The following HDX variants were observed in gnomAD, a reference collection of about 807,000 sequenced individuals.
The protein encoded by HDX is highly divergent homeobox.
A neutral mutation model predicts 45.2 loss-of-function variants in HDX; 19 were observed. That is an observed-to-expected ratio of 0.42 (90% CI 0.29 to 0.62). The LOEUF is 0.62. Among genes scored for constraint, HDX ranks in the 20% least tolerant of loss-of-function variants. HDX has a pLI of 0.20. For missense variants in HDX, 532 were observed against 493.9 expected, an observed-to-expected ratio of 1.08 and a Z score of -0.73; for synonymous variants, 188 against 172.8, an observed-to-expected ratio of 1.09 and a Z score of -0.69.
chrX:84,454,423 T>C, intron 4 of HDX, among the ~76,000 whole-genome samples: 1 of 111,508 alleles, frequency 9.0e-6, no homozygotes. Context: ...GAGTGAACAC[T>C]GGTAGTAGCC....
chrX:84,472,445 C>T (rs1447135300), intron 3 of HDX, among the ~76,000 whole-genome samples: 3 of 111,250 alleles, frequency 2.7e-5, no homozygotes, highest in African/African-American at 9.8e-5. Flanking sequence ...TTAAAACCCA[C>T]TTTCTCTAAT....
At chrX:84,364,274 CCAAA>C (rs1362683742) in intron 5 of HDX, among the ~76,000 whole-genome samples, 1 of 109,817 alleles carries the variant, frequency 9.1e-6, no homozygotes, top group Non-Finnish European at 1.9e-5. Flanking sequence ...TGAATTAGTG[CCAAA>C]CAATTGGCAT....
chrX:84,416,214 G>C (rs1227806274), intron 5 of HDX, among the ~76,000 whole-genome samples: 1 of 111,085 alleles, frequency 9.0e-6, no homozygotes, highest in African/African-American at 3.3e-5. Flanking sequence ...CAAGGCCCAA[G>C]TTTTCTACTA....
intron 5 of HDX, among the ~76,000 whole-genome samples, chrX:84,439,653 G>A (rs2039718395): frequency 9.0e-6 from 1 of 111,144 alleles, no homozygotes; most frequent in African/African-American, 3.3e-5. Flanking sequence ...TATCGAACAA[G>A]GAGTCCTTTC....
At chrX:84,463,660 G>A (rs2040285858) in intron 4 of HDX, among the ~76,000 whole-genome samples, 1 of 110,732 alleles carries the variant, frequency 9.0e-6, no homozygotes, top group Non-Finnish European at 1.9e-5. Context: ...TCACAAAGAT[G>A]ATCATTAATA....
intron 5 of HDX, among the ~76,000 whole-genome samples, chrX:84,393,312 T>C (rs1356762487): frequency 9.0e-6 from 1 of 111,482 alleles, no homozygotes; most frequent in Non-Finnish European, 1.9e-5. Flanking sequence ...TGATGTGGTG[T>C]GTTAACATCA....
chrX:84,440,668 C>G (rs2039741437), intron 4 of HDX, 83 bp from the exon 5 acceptor site: 1 of 571,399 alleles, frequency 1.8e-6, no homozygotes, highest in Non-Finnish European at 2.9e-6. Flanking sequence ...ATTTCACACA[C>G]TATTTCAAGA....
At chrX:84,355,849 A>G (rs1268782912) in intron 6 of HDX, among the ~76,000 whole-genome samples, 1 of 108,837 alleles carries the variant, frequency 9.2e-6, no homozygotes, top group Non-Finnish European at 1.9e-5. Flanking sequence ...CCTAGAACTT[A>G]AAGTATAATA....
intron 2 of HDX, among the ~76,000 whole-genome samples, chrX:84,486,642 T>G (rs924183545): frequency 3.6e-5 from 4 of 111,291 alleles, no homozygotes; most frequent in African/African-American, 1.3e-4. Context: ...GTTGACTTTT[T>G]TTTTTCATTT....
intron 4 of HDX, among the ~76,000 whole-genome samples, chrX:84,463,289 C>T (rs929244871): frequency 9.0e-6 from 1 of 111,339 alleles, no homozygotes; most frequent in African/African-American, 3.3e-5. Flanking sequence ...TTGACCAAGT[C>T]ACTCAATCTT....
intron 6 of HDX, 37 bp from the exon 7 acceptor site, chrX:84,344,494 A>G: frequency 9.9e-7 from 1 of 1,009,993 alleles, no homozygotes; most frequent in South Asian, 1.9e-5. Flanking sequence ...TTTTGTAAAC[A>G]TAGAAAACTT....
In HDX at chrX:84,469,176, G is replaced by A. The variant is rs1184593217; in HGVS notation, c.547C>T (p.Leu183=). 8.3e-7 allele frequency: 1 copy of A among 1,208,514 alleles called. No homozygotes were observed. Among genetic ancestry groups the A allele is most frequent in the Non-Finnish European group, 1.1e-6 (1 of 894,249 alleles). ...TIILSRQTSV[L]NAGNSVFNHA... ...TTGAATACTGAGTTTCCAGCATTTA[G>A]CACACTTGTCTGTCTTGACAAAATA... is the stretch of plus-strand genomic sequence containing the variant. Residue 183 remains leucine (L), a synonymous_variant, in exon 4 of 11, where the codon CTA becomes TTA. Coordinates refer to ENST00000373177, the MANE Select transcript of HDX (RefSeq NM_001177479.2).
rs960701018 is a variant in HDX, at chrX:84,320,732, T to G, written c.*1157A>C. The G allele has an allele frequency of 1.8e-5, 2 of 110,563 alleles. No homozygotes were observed. Among genetic ancestry groups the G allele is most frequent in the Non-Finnish European group, 3.8e-5 (2 of 52,346 alleles). The allele number at this position is 110,563 out of a possible 1,213,427, so 9.1% of individuals were successfully genotyped here. A position where few individuals can be genotyped will look rare whatever the true frequency, so the allele number is the denominator to read the frequency against. ...TCTTCTATGGGTCTTGGTAATACCA[T>G]CTGGTACTCCAGAAAGGAAGAACTA... On this transcript the variant is annotated 3_prime_UTR_variant, in exon 11 of 11. Coordinates refer to ENST00000373177, the MANE Select transcript of HDX (RefSeq NM_001177479.2).
chrX:84,423,072 T>C, intron 5 of HDX, among the ~76,000 whole-genome samples: 1 of 110,917 alleles, frequency 9.0e-6, no homozygotes, highest in Middle Eastern at 4.7e-3. Context: ...TTACAACTGA[T>C]ACTGCAGAAA....
intron 5 of HDX, among the ~76,000 whole-genome samples, chrX:84,365,334 C>T (rs1192764373): frequency 9.0e-6 from 1 of 111,218 alleles, no homozygotes; most frequent in Non-Finnish European, 1.9e-5. Flanking sequence ...GACCTAAAGT[C>T]ATAGGGATGG....
intron 1 of HDX, among the ~76,000 whole-genome samples, chrX:84,494,931 G>A (rs1317223231): frequency 9.0e-6 from 1 of 111,274 alleles, no homozygotes; most frequent in East Asian, 2.8e-4. Flanking sequence ...GCCAAGATAC[G>A]GAGTCAACCT....
intron 4 of HDX, among the ~76,000 whole-genome samples, chrX:84,443,276 A>T (rs2039800475): frequency 9.0e-6 from 1 of 111,275 alleles, no homozygotes; most frequent in Non-Finnish European, 1.9e-5. Flanking sequence ...ATTTGGTGAA[A>T]TATTGATGGT....
At chrX:84,473,950 G>A (rs1198569804) in intron 3 of HDX, among the ~76,000 whole-genome samples, 1 of 111,998 alleles carries the variant, frequency 8.9e-6, no homozygotes, top group African/African-American at 3.2e-5. Flanking sequence ...GATATTTCTG[G>A]TTCTTAAACA....
At chrX:84,479,874 A>T (rs5967484) in intron 2 of HDX, among the ~76,000 whole-genome samples, 3,457 of 110,919 alleles carry the variant, frequency 0.031, 110 homozygotes, top group African/African-American at 0.1. Context: ...TTACTCAAAT[A>T]TTTGCCATAT....
Sources: gnomAD v4.1 joint callset for allele counts (sites outside exome capture counted in the v4.1 genomes callset) on GRCh38, gnomAD v4.1.1 for gene constraint, MANE v1.5 for transcripts, NCBI Gene and HGNC (gene_info 2026-07-23, HGNC 2026-07-21) for gene names.